The following PAN3 variants were observed in gnomAD, a reference collection of about 807,000 sequenced individuals.
PAN3 encodes the protein PAN2-PAN3 deadenylation complex subunit PAN3.
A neutral mutation model predicts 96.2 loss-of-function variants in PAN3; 19 were observed. That is an observed-to-expected ratio of 0.20 (90% CI 0.14 to 0.29). The LOEUF (loss-of-function observed/expected upper bound fraction) is 0.29. Among genes scored for constraint, PAN3 ranks in the 10% least tolerant of loss-of-function variants. The pLI, the probability that PAN3 is intolerant of heterozygous loss-of-function variation, is 1.00. For synonymous variants in PAN3, 433 were observed against 406.6 expected, an observed-to-expected ratio of 1.06 and a Z score of -0.78; for missense variants, 882 against 1,108.1, an observed-to-expected ratio of 0.80 and a Z score of 2.90.
intron 4 of PAN3, among the ~76,000 whole-genome samples, chr13:28,182,315 C>G: frequency 6.6e-6 from 1 of 152,172 alleles, no homozygotes; most frequent in Non-Finnish European, 1.5e-5. Flanking sequence ...CCTTTTATAT[C>G]TTTCTGGGCT....
rs1185433365 is a variant in PAN3 at position 28,179,945 on chromosome 13, A to AAAATGTTACTAG, written c.690+2027_690+2038dup. 7.9e-5 allele frequency among the ~76,000 whole-genome samples: 12 copies of AAAATGTTACTAG among 152,280 alleles called. No individual in the cohort carries two copies. In the East Asian group the frequency reaches 2.3e-3, roughly 29 times the overall value. On this transcript the variant is annotated intron_variant, in intron 4 of 18. Transcript: ENST00000380958. ...TTTTTATAATTTATTTTAATACAAT[A>AAAATGTTACTAG]AAATGTTACTAGAAATGTTACTAGA... is the stretch of plus-strand genomic sequence containing the variant.
intron 12 of PAN3, among the ~76,000 whole-genome samples, chr13:28,268,045 C>T (rs1233976477): frequency 6.6e-6 from 1 of 152,084 alleles, no homozygotes; most frequent in East Asian, 1.9e-4. Flanking sequence ...TTGTTTTTCT[C>T]TTTAAAATGT....
In PAN3 at chr13:28,260,474, C is replaced by A; in HGVS notation, c.1276C>A (p.Pro426Thr). ...GTTTCCAAACTATCATATTTATCCT[C>A]CAACTGCACCTCACGTTGCTTATAT... ...MVFPNYHIYP[P>T]TAPHVAYMQP... The change falls in exon 8 of 19, where the codon CCA becomes ACA. Residue 426 changes from proline (P) to threonine (T), a missense_variant. This residue lies in a region of PAN3 where 364 missense variants were observed against 513.6 expected (regional missense o/e 0.71). Transcript: ENST00000380958. 1.2e-6 allele frequency: 2 copies of A among 1,613,222 alleles called. No homozygotes were observed. Among genetic ancestry groups the A allele is most frequent in the Non-Finnish European group, 8.5e-7 (1 of 1,179,292 alleles).
At chr13:28,214,037 A>G (rs1030438600) in intron 5 of PAN3, among the ~76,000 whole-genome samples, 1 of 152,142 alleles carries the variant, frequency 6.6e-6, no homozygotes, top group Non-Finnish European at 1.5e-5. Flanking sequence ...GTAGTGAGCA[A>G]TGATCTCTCC....
At chr13:28,279,361 A>G (rs1278752216) in intron 15 of PAN3, among the ~76,000 whole-genome samples, 1 of 152,212 alleles carries the variant, frequency 6.6e-6, no homozygotes, top group African/African-American at 2.4e-5. Flanking sequence ...AGCAAAATTG[A>G]AAACCCAGTT....
intron 6 of PAN3, among the ~76,000 whole-genome samples, chr13:28,252,646 A>C (rs553145546): frequency 1.5e-4 from 23 of 152,288 alleles, no homozygotes; most frequent in Non-Finnish European, 2.8e-4. Flanking sequence ...CAAATGCCCT[A>C]AAGCAGTTAA....
intron 5 of PAN3, among the ~76,000 whole-genome samples, chr13:28,198,289 CAAAA>C (rs539191279): frequency 8.0e-6 from 1 of 124,380 alleles, no homozygotes; most frequent in Non-Finnish European, 1.8e-5. Flanking sequence ...GATTCTGTCT[CAAAA>C]AAAAAAAAAG....
chr13:28,234,012 T>C (rs780554854), intron 6 of PAN3, among the ~76,000 whole-genome samples: 6 of 152,180 alleles, frequency 3.9e-5, no homozygotes, highest in Non-Finnish European at 7.4e-5. Context: ...CAGACCTCCA[T>C]TTTTCTTTTC....
chr13:28,260,691 T>C, intron 8 of PAN3, 140 bp downstream of exon 8: 1 of 666,336 alleles, frequency 1.5e-6, no homozygotes, highest in Non-Finnish European at 2.4e-6. Context: ...GAAGTTTTAA[T>C]TGGTATTTTT....
At chr13:28,279,825 A>G (rs551570074) in intron 15 of PAN3, among the ~76,000 whole-genome samples, 3 of 150,564 alleles carry the variant, frequency 2.0e-5, no homozygotes, top group Non-Finnish European at 4.4e-5. Context: ...TTTGAGATGG[A>G]GTTTCACTTT....
At chr13:28,167,242 G>C (rs2138060646) in intron 1 of PAN3, among the ~76,000 whole-genome samples, 1 of 151,874 alleles carries the variant, frequency 6.6e-6, no homozygotes, top group East Asian at 1.9e-4. Flanking sequence ...GCCCAGGCTA[G>C]AGTGCAGTGG....
intron 15 of PAN3, among the ~76,000 whole-genome samples, chr13:28,279,137 G>T (rs548236622): frequency 1.3e-5 from 2 of 151,940 alleles, no homozygotes; most frequent in Non-Finnish European, 2.9e-5. Context: ...TTTACGTATA[G>T]AATAAGCGGC....
At chr13:28,215,070 G>A in intron 5 of PAN3, 1 of 961,008 alleles carries the variant, frequency 1.0e-6, no homozygotes, top group South Asian at 1.3e-5. Context: ...CTACAATCCT[G>A]ACACAGTAGC....
intron 4 of PAN3, among the ~76,000 whole-genome samples, chr13:28,179,405 T>C (rs1248891292): frequency 6.6e-6 from 1 of 152,232 alleles, no homozygotes; most frequent in African/African-American, 2.4e-5. Flanking sequence ...TAATCACTTT[T>C]TCTCATTTAT....
intron 8 of PAN3, 145 bp downstream of exon 8, chr13:28,260,696 A>T (rs886197676): frequency 2.8e-5 from 18 of 644,104 alleles, no homozygotes; most frequent in African/African-American, 5.5e-5. Flanking sequence ...TTTAATTGGT[A>T]TTTTTTTTAA....
At position 28,152,630 on chromosome 13, in the gene PAN3, A is replaced by G. The variant is rs112841399; in HGVS notation, c.430+13543A>G. On this transcript the variant is annotated intron_variant, in intron 1 of 18. Coordinates refer to ENST00000380958, the MANE Select transcript of PAN3 (RefSeq NM_175854.8). The stretch of plus-strand genomic sequence containing the variant: ...AAAAATGTGTATCTTATTACAGTTG[A>G]GTCCTTTTGTGAGACGAACATTCAG... Among the ~76,000 whole-genome samples, 1,479 of 152,160 alleles carry G rather than the reference A, an allele frequency of 9.7e-3. 18 individuals carry two copies. Among genetic ancestry groups the G allele is most frequent in the African/African-American group, 0.034 (1,413 of 41,536 alleles).
chr13:28,254,489 A>G (rs985376587), intron 6 of PAN3, among the ~76,000 whole-genome samples: 11 of 152,206 alleles, frequency 7.2e-5, no homozygotes, highest in Non-Finnish European at 1.5e-4. Flanking sequence ...TATTTTGGAA[A>G]GTCTTAGAGA....
intron 5 of PAN3, among the ~76,000 whole-genome samples, chr13:28,202,808 G>A (rs138116609): frequency 7.2e-5 from 11 of 152,258 alleles, no homozygotes; most frequent in Non-Finnish European, 1.6e-4. Context: ...GGTTAAGCAT[G>A]TGTTTATTTC....
At chr13:28,269,128 T>C (rs936958269) in intron 12 of PAN3, among the ~76,000 whole-genome samples, 25 of 152,190 alleles carry the variant, frequency 1.6e-4, no homozygotes, top group Non-Finnish European at 3.2e-4. Context: ...CTCTTCTGAC[T>C]GAAGGGCCTG....
Sources: gnomAD v4.1 joint callset for allele counts (sites outside exome capture counted in the v4.1 genomes callset) on GRCh38, gnomAD v4.1.1 for gene constraint, gnomAD v4.1.1 regional missense constraint, MANE v1.5 for transcripts, NCBI Gene and HGNC (gene_info 2026-07-23, HGNC 2026-07-21) for gene names.